The following ATXN7 variants were observed in gnomAD, a reference collection of about 807,000 sequenced individuals.
ATXN7 encodes ataxin-7.
ATXN7 carries 12 observed loss-of-function variants against 70.5 expected under a neutral mutation model. The ratio of observed to expected loss-of-function variants is 0.17; its 90% confidence interval spans 0.11 to 0.28. The LOEUF is 0.28. Among genes scored for constraint, ATXN7 ranks in the 10% least tolerant of loss-of-function variants. The probability of loss-of-function intolerance (pLI) is 1.00; values close to 1 mark genes in which losing one functional copy is unlikely to be tolerated. For synonymous variants in ATXN7, 498 were observed against 448.7 expected (o/e 1.11, Z -1.39); for missense variants, 1,256 against 1,131.7 (o/e 1.11, Z -1.58).
chr3:63,908,363 G>C (rs188507218), intron 2 of ATXN7, among the ~76,000 whole-genome samples: 1 of 152,198 alleles, frequency 6.6e-6, no homozygotes, highest in Non-Finnish European at 1.5e-5. Context: ...GGAGAAGAAC[G>C]AGGAAAGGGG....
intron 8 of ATXN7, among the ~76,000 whole-genome samples, chr3:63,986,230 A>G (rs756129789): frequency 7.9e-5 from 12 of 152,190 alleles, no homozygotes; most frequent in Non-Finnish European, 1.8e-4. Flanking sequence ...CGCGGGACCA[A>G]AGGAGCAGGG....
chr3:63,943,363 G>A (rs2074802219), intron 4 of ATXN7, among the ~76,000 whole-genome samples: 1 of 152,206 alleles, frequency 6.6e-6, no homozygotes. Context: ...CCACTGAGGA[G>A]ATTAATTGGG....
At chr3:63,949,346 G>T (rs545354917) in intron 4 of ATXN7, among the ~76,000 whole-genome samples, 2 of 150,554 alleles carry the variant, frequency 1.3e-5, no homozygotes, top group Non-Finnish European at 2.9e-5. Context: ...TGAAAGTGAA[G>T]AATTTAGAAA....
intron 4 of ATXN7, among the ~76,000 whole-genome samples, chr3:63,943,139 C>A (rs2074798425): frequency 6.6e-6 from 1 of 152,174 alleles, no homozygotes; most frequent in Non-Finnish European, 1.5e-5. Context: ...GAAAGTCTTT[C>A]CAATGAAATG....
At position 63,883,444 on chromosome 3, in the gene ATXN7, A is replaced by T. The variant is rs375825312; in HGVS notation, c.-110-14955A>T. Among the ~76,000 whole-genome samples the T allele has an allele frequency of 1.6e-4, 25 of 152,110 alleles. No individual in the cohort carries two copies. In the South Asian group the frequency reaches 1.7e-3, roughly 10 times the overall value. ...TAACTCCAGTCTGGGCAATTTAGTT[A>T]TCTCTAGAAATCTGTTCACTTCCCA... On this transcript the variant is annotated intron_variant, in intron 1 of 12. Coordinates refer to ENST00000674280, the MANE Select transcript of ATXN7 (RefSeq NM_001377405.1).
chr3:63,998,719 T>C, intron 12 of ATXN7: 1 of 977,072 alleles, frequency 1.0e-6, no homozygotes, highest in Non-Finnish European at 1.2e-6. Context: ...TTTATGTCTT[T>C]GTTCATTTAT....
intron 12 of ATXN7, chr3:63,997,974 G>A (rs1372195528): frequency 1.0e-6 from 1 of 985,146 alleles, no homozygotes; most frequent in African/African-American, 1.7e-5. Context: ...TTCCTTCTTG[G>A]TTTGTAGTTA....
chr3:63,878,581 AAACAGAG>A (rs1702815460), intron 1 of ATXN7: 3 of 152,266 alleles, frequency 2.0e-5, no homozygotes, highest in African/African-American at 7.2e-5. Flanking sequence ...ATCTGGCAGG[AAACAGAG>A]TCCAACTCAG....
chr3:63,912,505 C>G, intron 2 of ATXN7, 83 bp from the exon 3 acceptor site: 2 of 924,006 alleles, frequency 2.2e-6, no homozygotes, highest in Non-Finnish European at 2.7e-6. Flanking sequence ...CCGCGGGCCG[C>G]GCACGCCGCC....
chr3:63,990,661 T>C (rs999966096), intron 10 of ATXN7, 77 bp from the exon 11 acceptor site: 52 of 1,604,824 alleles, frequency 3.2e-5, no homozygotes, highest in Non-Finnish European at 4.2e-5. Context: ...TTAGCTCCTT[T>C]CCTGAAGGAT....
At chr3:63,977,330 T>C (rs2075404688) in intron 5 of ATXN7, among the ~76,000 whole-genome samples, 1 of 152,220 alleles carries the variant, frequency 6.6e-6, no homozygotes, top group Non-Finnish European at 1.5e-5. Flanking sequence ...GATTGAGAAT[T>C]TTATCTAATC....
At position 63,877,388 on chromosome 3, in the gene ATXN7, A is replaced by T. The variant is rs150454535; in HGVS notation, c.-111+13230A>T. 1.6e-3 allele frequency among the ~76,000 whole-genome samples: 243 copies of T among 152,364 alleles called. 1 individual carries two copies. The highest frequency in any genetic ancestry group is 5.5e-3 in the African/African-American group (227 of 41,596). ...CTTATAGAGTTCTCCAATAAAATAT[A>T]CTTTGAAATGCATGCTTAGAAGTAA... On this transcript the variant is annotated intron_variant, in intron 1 of 12. Transcript: ENST00000674280.
chr3:63,938,411 A>G (rs1005465498), intron 4 of ATXN7, among the ~76,000 whole-genome samples: 1 of 152,196 alleles, frequency 6.6e-6, no homozygotes, highest in Non-Finnish European at 1.5e-5. Context: ...TTGTAATATT[A>G]AGAAGGATTA....
chr3:63,919,133 C>G (rs1377905010), intron 4 of ATXN7, among the ~76,000 whole-genome samples: 1 of 152,176 alleles, frequency 6.6e-6, no homozygotes, highest in Non-Finnish European at 1.5e-5. Context: ...GGAATAAAAA[C>G]TCAAAAGATT....
intron 7 of ATXN7, 90 bp downstream of exon 7, chr3:63,982,535 ATT>A: frequency 8.4e-7 from 1 of 1,184,294 alleles, no homozygotes; most frequent in Non-Finnish European, 1.2e-6. Flanking sequence ...TAGAATTCCT[ATT>A]TTTAAAACTG....
rs151208905 is a variant in ATXN7 at position 63,949,765 on chromosome 3, G to A, written c.395-2614G>A. Among the ~76,000 whole-genome samples, 303 of 152,254 alleles carry A rather than the reference G, an allele frequency of 2.0e-3. 1 individual carries two copies. The highest frequency in any genetic ancestry group is 7.0e-3 in the African/African-American group (289 of 41,532). The stretch of plus-strand genomic sequence containing the variant: ...TATACCATGTTTCTTCCCACAGAGG[G>A]GGTGTGTGTGTGCATGCTTTTTAGA... On this transcript the variant is annotated intron_variant, in intron 4 of 12. Coordinates refer to ENST00000674280, the MANE Select transcript of ATXN7 (RefSeq NM_001377405.1).
At chr3:63,989,693 A>T (rs1216193356) in intron 9 of ATXN7, among the ~76,000 whole-genome samples, 1 of 152,150 alleles carries the variant, frequency 6.6e-6, no homozygotes, top group Non-Finnish European at 1.5e-5. Context: ...TGCAAATACT[A>T]CACCATTTTA....
At chr3:63,919,161 T>C (rs1251614762) in intron 4 of ATXN7, among the ~76,000 whole-genome samples, 1 of 152,222 alleles carries the variant, frequency 6.6e-6, no homozygotes, top group Non-Finnish European at 1.5e-5. Context: ...ATGTGAAAAT[T>C]ATATGAGACT....
intron 4 of ATXN7, among the ~76,000 whole-genome samples, chr3:63,913,576 C>T (rs1704146067): frequency 6.6e-6 from 1 of 152,160 alleles, no homozygotes; most frequent in Admixed American, 6.5e-5. Flanking sequence ...TCCACGAATG[C>T]TTAGGGGACA....
Sources: gnomAD v4.1 joint callset for allele counts (sites outside exome capture counted in the v4.1 genomes callset) on GRCh38, gnomAD v4.1.1 for gene constraint, MANE v1.5 for transcripts, NCBI Gene and HGNC (gene_info 2026-07-23, HGNC 2026-07-21) for gene names.